The following BCL2 variants were observed in gnomAD, a reference collection of about 807,000 sequenced individuals.
BCL2 encodes apoptosis regulator Bcl-2.
A neutral mutation model predicts 14.2 loss-of-function variants in BCL2; 1 was observed. The observed-to-expected ratio is 0.07, with a 90% CI of 0.02 to 0.33. BCL2 has a LOEUF of 0.33. BCL2 is among the 10% of genes least tolerant of loss of function. The pLI is 0.99. For missense variants in BCL2, 247 were observed against 305.9 expected (o/e 0.81, Z 1.44); for synonymous variants, 151 against 137.2 (o/e 1.10, Z -0.70).
At chr18:63,311,250 C>T (rs1913309401) in intron 2 of BCL2, among the ~76,000 whole-genome samples, 1 of 152,006 alleles carries the variant, frequency 6.6e-6, no homozygotes, top group Non-Finnish European at 1.5e-5. Context: ...AGAGATATAG[C>T]ATTCATCATG....
intron 2 of BCL2, among the ~76,000 whole-genome samples, chr18:63,219,844 T>G (rs1032619872): frequency 1.3e-5 from 2 of 152,186 alleles, no homozygotes; most frequent in African/African-American, 4.8e-5. Context: ...GAACACATAA[T>G]CCAGTTTGGG....
At chr18:63,268,702 T>C (rs1599280735) in intron 2 of BCL2, among the ~76,000 whole-genome samples, 1 of 152,234 alleles carries the variant, frequency 6.6e-6, no homozygotes, top group Admixed American at 6.5e-5. Context: ...GTTGATTTCA[T>C]GACTGGGCAA....
chr18:63,203,338 A>AC (rs551467826), intron 2 of BCL2, among the ~76,000 whole-genome samples: 45 of 152,360 alleles, frequency 3.0e-4, no homozygotes, highest in Admixed American at 2.1e-3. Context: ...GGAGCTCTCA[A>AC]CCTGGATGCC....
At chr18:63,305,801 G>C (rs1344995966) in intron 2 of BCL2, among the ~76,000 whole-genome samples, 1 of 152,178 alleles carries the variant, frequency 6.6e-6, no homozygotes. Context: ...GTCAGGTGAG[G>C]TGACCCATGC....
At chr18:63,293,933 A>G (rs1180059887) in intron 2 of BCL2, among the ~76,000 whole-genome samples, 1 of 151,220 alleles carries the variant, frequency 6.6e-6, no homozygotes, top group Non-Finnish European at 1.5e-5. Context: ...TGGCTACCAG[A>G]GATCTTCACT....
chr18:63,255,244 G>A (rs1911438191), intron 2 of BCL2, among the ~76,000 whole-genome samples: 1 of 152,220 alleles, frequency 6.6e-6, no homozygotes, highest in Admixed American at 6.5e-5. Context: ...TGTGGTATAT[G>A]TTCCTGGTCA....
intron 2 of BCL2, among the ~76,000 whole-genome samples, chr18:63,268,464 AC>A (rs1390853962): frequency 2.0e-5 from 3 of 152,186 alleles, no homozygotes; most frequent in Non-Finnish European, 4.4e-5. Flanking sequence ...TTTGTAACTC[AC>A]TCATTCACTC....
At chr18:63,156,714 TG>T (rs1415537767) in intron 2 of BCL2, among the ~76,000 whole-genome samples, 2 of 152,102 alleles carry the variant, frequency 1.3e-5, no homozygotes. Context: ...CGTTGTGGGT[TG>T]GGGGTGGGGG....
At chr18:63,269,481 A>G (rs1911939358) in intron 2 of BCL2, among the ~76,000 whole-genome samples, 1 of 152,146 alleles carries the variant, frequency 6.6e-6, no homozygotes, top group Non-Finnish European at 1.5e-5. Flanking sequence ...TATTACATTA[A>G]AGAAATAGTC....
intron 2 of BCL2, among the ~76,000 whole-genome samples, chr18:63,292,536 T>C (rs1186688880): frequency 2.6e-5 from 4 of 152,122 alleles, no homozygotes; most frequent in African/African-American, 9.7e-5. Context: ...ACTCTGGTAA[T>C]AGAAAGGGGG....
Position 63,319,186 on chromosome 18 carries a change from A to G in BCL2, c.-299T>C. 2.1e-6 allele frequency: 1 copy of G among 470,916 alleles called. No individual in the cohort carries two copies. Among genetic ancestry groups the G allele is most frequent in the Non-Finnish European group, 3.0e-6 (1 of 336,112 alleles). 29.2% of individuals were successfully genotyped at this position (470,916 alleles called of 1,614,324 possible). A position where few individuals can be genotyped will look rare whatever the true frequency, so the allele number is the denominator to read the frequency against. On this transcript the variant is annotated 5_prime_UTR_variant, in exon 1 of 3. Coordinates refer to ENST00000333681, the MANE Select transcript of BCL2 (RefSeq NM_000633.3). ...GCAGAGAACTTACTTGTATTTTTTA[A>G]GTACAGCATGATCCTCTGTCAAGTT...
At chr18:63,163,101 C>T (rs781284241) in intron 2 of BCL2, among the ~76,000 whole-genome samples, 1 of 152,196 alleles carries the variant, frequency 6.6e-6, no homozygotes, top group African/African-American at 2.4e-5. Context: ...CCACCTCGGC[C>T]TCCCAAAGTG....
intron 2 of BCL2, among the ~76,000 whole-genome samples, chr18:63,240,796 C>A (rs1910979253): frequency 6.6e-6 from 1 of 152,212 alleles, no homozygotes; most frequent in African/African-American, 2.4e-5. Flanking sequence ...GAATACATGA[C>A]TTGTCTCTGT....
At chr18:63,203,187 G>A (rs945020788) in intron 2 of BCL2, among the ~76,000 whole-genome samples, 11 of 152,176 alleles carry the variant, frequency 7.2e-5, no homozygotes, top group African/African-American at 2.7e-4. Flanking sequence ...AAAGAAAACA[G>A]TCTACCTTCT....
intron 2 of BCL2, among the ~76,000 whole-genome samples, chr18:63,192,003 T>C (rs1909302232): frequency 6.6e-6 from 1 of 152,222 alleles, no homozygotes; most frequent in South Asian, 2.1e-4. Flanking sequence ...AACTACTCAT[T>C]GAACTACTAT....
intron 2 of BCL2, among the ~76,000 whole-genome samples, chr18:63,211,077 T>C (rs1909989728): frequency 1.5e-5 from 2 of 137,164 alleles, no homozygotes. Flanking sequence ...TTTTTTTTTT[T>C]TTTTTTTTTT....
chr18:63,138,878 G>A (rs996690600), intron 2 of BCL2, among the ~76,000 whole-genome samples: 1 of 152,252 alleles, frequency 6.6e-6, no homozygotes, highest in African/African-American at 2.4e-5. Context: ...AAATCAGGCA[G>A]GGGCCCTCAG....
chr18:63,228,043 C>T (rs1196289838), intron 2 of BCL2, among the ~76,000 whole-genome samples: 1 of 152,166 alleles, frequency 6.6e-6, no homozygotes, highest in Non-Finnish European at 1.5e-5. Flanking sequence ...CAGATGGCCG[C>T]CTTCTTGCTG....
chr18:63,312,346 T>C (rs1913354080), intron 2 of BCL2, among the ~76,000 whole-genome samples: 1 of 152,196 alleles, frequency 6.6e-6, no homozygotes, highest in South Asian at 2.1e-4. Flanking sequence ...GGAATAATCA[T>C]TCAATCCTTA....
Sources: gnomAD v4.1 joint callset for allele counts (sites outside exome capture counted in the v4.1 genomes callset) on GRCh38, gnomAD v4.1.1 for gene constraint, MANE v1.5 for transcripts, NCBI Gene and HGNC (gene_info 2026-07-23, HGNC 2026-07-21) for gene names.